SESN3: variants seen among roughly 807,000 people sequenced by gnomAD.
The protein encoded by SESN3 is sestrin-3.
In SESN3, 21 loss-of-function variants were observed where a neutral mutation model predicts 55.3. The ratio of observed to expected loss-of-function variants is 0.38; its 90% CI spans 0.27 to 0.55. SESN3 has a LOEUF of 0.55. Among genes scored for constraint, SESN3 ranks in the 20% least tolerant of loss-of-function variants. SESN3 has a pLI of 0.76. For missense variants in SESN3, 408 were observed against 604.3 expected (o/e 0.68, Z 3.41); for synonymous variants, 181 against 203.1 (o/e 0.89, Z 0.93).
rs4753657 is a variant in SESN3 at position 95,174,143 on chromosome 11, C to T, written c.1393-802G>A. On this transcript the variant is annotated intron_variant, in intron 9 of 9. Coordinates refer to ENST00000536441, the MANE Select transcript of SESN3 (RefSeq NM_144665.4). ...ATGGGTATTTACCTGATGTGAGTGG[C>T]TCTAAGACTTCAAAAAATCTGTTAG... Among the ~76,000 whole-genome samples, 333 of 152,018 alleles carry T rather than the reference C, an allele frequency of 2.2e-3. 1 individual carries two copies. Among genetic ancestry groups the T allele is most frequent in the South Asian group, 5.0e-3 (24 of 4,810 alleles).
At chr11:95,221,821 A>G (rs551956849) in intron 1 of SESN3, among the ~76,000 whole-genome samples, 8 of 152,364 alleles carry the variant, frequency 5.3e-5, no homozygotes, top group African/African-American at 1.9e-4. Flanking sequence ...CTCAAGGGGC[A>G]GTCAATATAC....
chr11:95,190,111 A>G (rs1263945480), intron 3 of SESN3, 150 bp from the exon 4 acceptor site: 2 of 596,386 alleles, frequency 3.4e-6, no homozygotes, highest in Admixed American at 6.9e-5. Context: ...CATCCATCAT[A>G]ATGATGTAAT....
chr11:95,192,098 A>G (rs944214562), intron 2 of SESN3, among the ~76,000 whole-genome samples: 4 of 152,092 alleles, frequency 2.6e-5, no homozygotes, highest in African/African-American at 9.7e-5. Flanking sequence ...TTTCAGGAAC[A>G]AAGGCATATA....
intron 1 of SESN3, among the ~76,000 whole-genome samples, chr11:95,201,618 C>T (rs1388604471): frequency 6.6e-6 from 1 of 151,918 alleles, no homozygotes; most frequent in African/African-American, 2.4e-5. Context: ...AGCTCTAGAA[C>T]CCTGTATGAC....
At chr11:95,202,639 T>A (rs981605870) in intron 1 of SESN3, among the ~76,000 whole-genome samples, 3 of 152,090 alleles carry the variant, frequency 2.0e-5, no homozygotes, top group Non-Finnish European at 2.9e-5. Context: ...ATACAAAATA[T>A]AGCTGTTGAA....
chr11:95,206,050 A>G (rs1259260360), intron 1 of SESN3, among the ~76,000 whole-genome samples: 1 of 152,082 alleles, frequency 6.6e-6, no homozygotes, highest in East Asian at 1.9e-4. Flanking sequence ...AATTCTGTAT[A>G]TTGACTCATT....
chr11:95,208,334 C>CTT (rs1266298622), intron 1 of SESN3, among the ~76,000 whole-genome samples: 2 of 151,408 alleles, frequency 1.3e-5, no homozygotes, highest in Admixed American at 1.3e-4. Flanking sequence ...TGAGGTTTAA[C>CTT]TTTATGTAAC....
chr11:95,174,332 G>A (rs151197243), intron 9 of SESN3, among the ~76,000 whole-genome samples: 118 of 152,312 alleles, frequency 7.7e-4, no homozygotes, highest in African/African-American at 2.6e-3. Flanking sequence ...ATACTATGAT[G>A]TTGATAAAGA....
At chr11:95,187,388 T>A (rs1170447943) in intron 4 of SESN3, among the ~76,000 whole-genome samples, 1 of 151,956 alleles carries the variant, frequency 6.6e-6, no homozygotes, top group African/African-American at 2.4e-5. Flanking sequence ...CATCTCTAAT[T>A]TCTTGCCTCA....
intron 4 of SESN3, among the ~76,000 whole-genome samples, chr11:95,188,703 A>G (rs1481318621): frequency 6.6e-6 from 1 of 151,802 alleles, no homozygotes. Context: ...CAGAAAATAA[A>G]CTTTCTGGTC....
chr11:95,166,563 T>A lies in SESN3; in HGVS notation c.*6692A>T, dbSNP rs1483140415. On this transcript the variant is annotated 3_prime_UTR_variant, in exon 10 of 10. Coordinates refer to ENST00000536441, the MANE Select transcript of SESN3 (RefSeq NM_144665.4). Reference sequence around the variant, plus strand: ...GCTGTCCTGCAAAACCAGGATTTTTTAAAAAGAGTTTTCAAGTTCAACTTC... The same window carrying A: ...GCTGTCCTGCAAAACCAGGATTTTTAAAAAAGAGTTTTCAAGTTCAACTTC... The A allele has an allele frequency of 1.3e-5, 2 of 152,210 alleles. No individual in the cohort carries two copies. The highest frequency in any genetic ancestry group is 2.9e-5 in the Non-Finnish European group (2 of 68,022). The allele number at this position is 152,210 out of a possible 1,614,324, so 9.4% of individuals were successfully genotyped here.
At chr11:95,184,734 T>A (rs1190877665) in intron 5 of SESN3, 140 bp from the exon 6 acceptor site, 1 of 663,448 alleles carries the variant, frequency 1.5e-6, no homozygotes, top group Non-Finnish European at 2.5e-6. Flanking sequence ...TTCACCAATT[T>A]CAAAGGAAAT....
intron 6 of SESN3, among the ~76,000 whole-genome samples, chr11:95,180,044 G>C (rs1860031114): frequency 6.6e-6 from 1 of 152,034 alleles, no homozygotes; most frequent in African/African-American, 2.4e-5. Context: ...CATTAAAAGG[G>C]AATGAACAAG....
intron 6 of SESN3, 38 bp from the exon 7 acceptor site, chr11:95,178,866 T>C: frequency 8.4e-7 from 1 of 1,190,806 alleles, no homozygotes; most frequent in Non-Finnish European, 1.2e-6. Context: ...TTAAGGATAC[T>C]GTACGTGGTT....
At chr11:95,195,318 T>C (rs1339018592) in intron 1 of SESN3, among the ~76,000 whole-genome samples, 1 of 152,162 alleles carries the variant, frequency 6.6e-6, no homozygotes, top group Non-Finnish European at 1.5e-5. Flanking sequence ...AAAAAAATAT[T>C]TTCATTATAA....
chr11:95,200,330 CTA>C (rs1860438942), intron 1 of SESN3, among the ~76,000 whole-genome samples: 1 of 152,058 alleles, frequency 6.6e-6, no homozygotes, highest in South Asian at 2.1e-4. Flanking sequence ...TCAGTTCCCA[CTA>C]TCTCTAAAAG....
rs1308337068 is a variant in SESN3 at position 95,169,653 on chromosome 11, G to T, written c.*3602C>A. 22 of 152,036 alleles carry T rather than the reference G, an allele frequency of 1.4e-4. No individual in the cohort carries two copies. Among genetic ancestry groups the T allele is most frequent in the Admixed American group, 1.4e-3 (22 of 15,260 alleles). The allele number at this position is 152,036 out of a possible 1,614,324, so 9.4% of individuals were successfully genotyped here. On this transcript the variant is annotated 3_prime_UTR_variant, in exon 10 of 10. Coordinates refer to ENST00000536441, the MANE Select transcript of SESN3 (RefSeq NM_144665.4). ...GAGGAATTGTCCTTAGAGTTCAAAA[G>T]AATCTTACCATCATATAGGCATGCA...
Position 95,171,424 on chromosome 11 carries a change from A to G in SESN3, c.*1831T>C, listed in dbSNP as rs1425576128. On this transcript the variant is annotated 3_prime_UTR_variant, in exon 10 of 10. Coordinates refer to ENST00000536441, the MANE Select transcript of SESN3 (RefSeq NM_144665.4). The stretch of plus-strand genomic sequence containing the variant: ...ATTTCAAACAGGATCCTGGAATCCA[A>G]AAATGCAGAACTACCTTATGTTAAT... 6.6e-6 allele frequency: 1 copy of G among 152,184 alleles called. No homozygotes were observed. Among genetic ancestry groups the G allele is most frequent in the Non-Finnish European group, 1.5e-5 (1 of 68,008 alleles). 9.4% of individuals were successfully genotyped at this position (152,184 alleles called of 1,614,324 possible). A position where few individuals can be genotyped will look rare whatever the true frequency, so the allele number is the denominator to read the frequency against.
rs376700049 is a variant in SESN3, at chr11:95,230,756, C to A, written c.78+27G>T. On this transcript the variant is annotated intron_variant, in intron 1 of 9. Coordinates refer to ENST00000536441, the MANE Select transcript of SESN3 (RefSeq NM_144665.4). The surrounding 1 kb of genome is among the most constrained non-coding windows in gnomAD (Gnocchi z 4.6). ...CCGGCCGGCAGGAAGCGACCCTCGC[C>A]GGCAGGACCCCGGGCCGAACCCGTA... is the stretch of plus-strand genomic sequence containing the variant. 1 of 1,585,474 alleles carries A rather than the reference C, an allele frequency of 6.3e-7. No homozygotes were observed. The highest frequency in any genetic ancestry group is 8.6e-7 in the Non-Finnish European group (1 of 1,162,060).
Sources: allele counts gnomAD v4.1 joint callset (sites outside exome capture counted in the v4.1 genomes callset), GRCh38; gene constraint gnomAD v4.1.1; non-coding constraint Gnocchi (gnomAD v3.1); transcripts MANE v1.5; gene names NCBI Gene and HGNC (gene_info 2026-07-23, HGNC 2026-07-21).